Variants in DDX60 observed in about 807,000 individuals in gnomAD.
DDX60 encodes the protein probable ATP-dependent RNA helicase DDX60.
DDX60 carries 165 observed loss-of-function variants against 212.8 expected under a neutral mutation model. That is an observed-to-expected ratio of 0.78 (90% CI 0.68 to 0.88). DDX60 has a LOEUF of 0.88. Ranked by LOEUF, DDX60 falls within the 40% of genes least tolerant of loss-of-function variation. The pLI is 0.00. For missense variants in DDX60, 1,905 were observed against 2,003.9 expected, an observed-to-expected ratio of 0.95 and a Z score of 0.94; for synonymous variants, 703 against 685.3, an observed-to-expected ratio of 1.03 and a Z score of -0.40.
chr4:168,277,068 G>A (rs960401029), intron 14 of DDX60, among the ~76,000 whole-genome samples: 2 of 152,200 alleles, frequency 1.3e-5, no homozygotes, highest in African/African-American at 4.8e-5. Context: ...CAGAAGAACT[G>A]TCAGTTTGGA....
chr4:168,291,115 A>G (rs1736075918), intron 8 of DDX60, among the ~76,000 whole-genome samples: 1 of 152,236 alleles, frequency 6.6e-6, no homozygotes, highest in Admixed American at 6.5e-5. Context: ...AGAAATGGGT[A>G]AGTAAACCAT....
chr4:168,316,375 A>G (rs781056996), intron 1 of DDX60, among the ~76,000 whole-genome samples: 7 of 152,222 alleles, frequency 4.6e-5, no homozygotes, highest in South Asian at 4.1e-4. Flanking sequence ...CTGCTGTAAA[A>G]TATGATAAAC....
intron 6 of DDX60, among the ~76,000 whole-genome samples, chr4:168,298,581 C>G (rs551099760): frequency 4.6e-5 from 7 of 152,142 alleles, no homozygotes; most frequent in African/African-American, 1.4e-4. Flanking sequence ...GCATGGCAAC[C>G]AACTTTGTGA....
Position 168,252,543 on chromosome 4 carries a change from C to T in DDX60, c.3671G>A (p.Cys1224Tyr), listed in dbSNP as rs1305120376. 1.2e-6 allele frequency: 2 copies of T among 1,613,940 alleles called. No homozygotes were observed. The highest frequency in any genetic ancestry group is 8.5e-7 in the Non-Finnish European group (1 of 1,179,992). The change falls in exon 27 of 38, where the codon TGC becomes TAC. Residue 1224 changes from cysteine (C) to tyrosine (Y), a missense_variant. Physicochemically the swap from Cys to Tyr is radical, Grantham distance 194. Transcript: ENST00000393743. The part of the protein sequence containing the change: ...LEKNLEIPQD[C>Y]TYADQKAVDT... ...CACTGCTTTTTGATCAGCATATGTG[C>T]AGTCCTGTGGGATTTCCAGGTTCTT...
intron 22 of DDX60, among the ~76,000 whole-genome samples, chr4:168,265,303 C>T (rs913873315): frequency 6.6e-6 from 1 of 152,068 alleles, no homozygotes; most frequent in Non-Finnish European, 1.5e-5. Flanking sequence ...TTTTTTCTTG[C>T]CACTCCATTT....
At chr4:168,300,935 C>T (rs565644026) in intron 6 of DDX60, among the ~76,000 whole-genome samples, 27 of 152,098 alleles carry the variant, frequency 1.8e-4, no homozygotes, top group African/African-American at 4.8e-4. Flanking sequence ...ATAATAGTCA[C>T]GGGGGCTCCA....
At chr4:168,268,213 A>T (rs1734934466) in intron 20 of DDX60, among the ~76,000 whole-genome samples, 1 of 152,202 alleles carries the variant, frequency 6.6e-6, no homozygotes, top group Non-Finnish European at 1.5e-5. Context: ...TAAAATGGAA[A>T]TATGGTATTC....
In DDX60 at chr4:168,283,649, T is replaced by C. The variant is rs372079800; in HGVS notation, c.1562-43A>G. 428 of 1,419,434 alleles carry C rather than the reference T, an allele frequency of 3.0e-4. 1 individual carries two copies. Among genetic ancestry groups the C allele is most frequent in the Middle Eastern group, 1.3e-3 (7 of 5,382 alleles). The allele number at this position is 1,419,434 out of a possible 1,614,324, so 87.9% of individuals were successfully genotyped here. A position where few individuals can be genotyped will look rare whatever the true frequency, so the allele number is the denominator to read the frequency against. On this transcript the variant is annotated intron_variant, in intron 12 of 37. Transcript: ENST00000393743. ...TAAAATGTAACTTTATTGTAGTTTT[T>C]CAATAGCATTCTCATCAATTCTTCA...
chr4:168,275,962 T>C, intron 15 of DDX60, 53 bp downstream of exon 15: 1 of 1,441,774 alleles, frequency 6.9e-7, no homozygotes, highest in Non-Finnish European at 9.2e-7. Context: ...CAAAACACTT[T>C]ATGTATACCT....
chr4:168,271,570 C>T (rs1349523561), intron 19 of DDX60, among the ~76,000 whole-genome samples: 1 of 152,248 alleles, frequency 6.6e-6, no homozygotes, highest in African/African-American at 2.4e-5. Context: ...ACTGCACTAA[C>T]CCTTGTGGAT....
chr4:168,269,012 T>A, intron 19 of DDX60, 43 bp from the exon 20 acceptor site: 1 of 1,160,072 alleles, frequency 8.6e-7, no homozygotes, highest in Non-Finnish European at 1.2e-6. Context: ...AAAGTTGATT[T>A]AAAAATAGCA....
intron 33 of DDX60, among the ~76,000 whole-genome samples, chr4:168,228,554 G>C (rs1733337593): frequency 6.6e-6 from 1 of 151,752 alleles, no homozygotes; most frequent in African/African-American, 2.4e-5. Flanking sequence ...GAGATTATAA[G>C]ATATAGCTTT....
chr4:168,317,605 C>G (rs1737453323), intron 1 of DDX60, among the ~76,000 whole-genome samples: 2 of 152,120 alleles, frequency 1.3e-5, no homozygotes, highest in South Asian at 4.2e-4. Context: ...AAATGGCTTC[C>G]AGTACCCGGT....
chr4:168,256,316 T>C (rs1734412075), intron 25 of DDX60, among the ~76,000 whole-genome samples: 1 of 152,110 alleles, frequency 6.6e-6, no homozygotes, highest in South Asian at 2.1e-4. Context: ...AACAAAAAAT[T>C]GTTCTTTTGG....
Position 168,308,044 on chromosome 4 carries a change from T to C in DDX60, c.226A>G (p.Ile76Val). Residue 76 changes from isoleucine to valine, a missense_variant, in exon 4 of 38, where the codon ATT becomes GTT. Ile to Val is a conservative substitution (Grantham distance 29). Transcript: ENST00000393743. ...YLVERYLVDL[I>V]SKGGQFTIVF... The stretch of plus-strand genomic sequence containing the variant: ...ATGGTGAATTGTCCTCCTTTGCTAA[T>C]AAGATCCACAAGATAGCGTTCAACC... 2.5e-6 allele frequency: 4 copies of C among 1,605,220 alleles called. No individual in the cohort carries two copies. Among genetic ancestry groups the C allele is most frequent in the South Asian group, 1.1e-5 (1 of 88,162 alleles).
intron 27 of DDX60, among the ~76,000 whole-genome samples, chr4:168,251,666 T>C (rs960538982): frequency 9.2e-5 from 14 of 152,222 alleles, no homozygotes; most frequent in African/African-American, 2.7e-4. Flanking sequence ...TAGTGGTTAC[T>C]TCAATTATGT....
At chr4:168,263,488 TG>T (rs1236471207) in intron 22 of DDX60, 2 of 152,254 alleles carry the variant, frequency 1.3e-5, no homozygotes, top group Non-Finnish European at 2.9e-5. Context: ...TTAATAGGAA[TG>T]TAGTATAGAC....
intron 28 of DDX60, among the ~76,000 whole-genome samples, 190 bp from the exon 29 acceptor site, chr4:168,248,482 T>A (rs1490500830): frequency 6.6e-6 from 1 of 152,220 alleles, no homozygotes; most frequent in Non-Finnish European, 1.5e-5. Flanking sequence ...ATGCGCTGTT[T>A]GCTTTGCACA....
chr4:168,235,346 C>T (rs11938542), intron 33 of DDX60, among the ~76,000 whole-genome samples: 4,696 of 151,936 alleles, frequency 0.031, 227 homozygotes, highest in African/African-American at 0.11. Context: ...CAACATTTCA[C>T]GCAGATCTGT....
Sources: allele counts gnomAD v4.1 joint callset (sites outside exome capture counted in the v4.1 genomes callset), GRCh38; gene constraint gnomAD v4.1.1; transcripts MANE v1.5; gene names NCBI Gene and HGNC (gene_info 2026-07-23, HGNC 2026-07-21).